Variants in CALCR observed in about 807,000 individuals in gnomAD.
The protein encoded by CALCR is calcitonin receptor.
CALCR carries 47 observed loss-of-function variants against 59.5 expected under a neutral mutation model. The observed-to-expected ratio is 0.79, with a 90% CI of 0.63 to 1.01. CALCR has a LOEUF of 1.01. Among genes scored for constraint, CALCR ranks in the 50% least tolerant of loss-of-function variants. The probability of loss-of-function intolerance (pLI) is 0.00; values close to 1 mark genes in which losing one functional copy is unlikely to be tolerated. For missense variants in CALCR, 566 were observed against 597.1 expected (o/e 0.95, Z 0.54); for synonymous variants, 213 against 211.3 (o/e 1.01, Z -0.07).
chr7:93,501,743 G>T (rs2116003392), intron 2 of CALCR, among the ~76,000 whole-genome samples: 1 of 152,200 alleles, frequency 6.6e-6, no homozygotes, highest in South Asian at 2.1e-4. Context: ...CAGAATTTAT[G>T]CAAAGTCAAT....
intron 2 of CALCR, among the ~76,000 whole-genome samples, chr7:93,496,168 T>G (rs533663105): frequency 1.3e-5 from 2 of 151,476 alleles, no homozygotes; most frequent in African/African-American, 2.4e-5. Context: ...GCATGTTCCA[T>G]AGAAGAGCAG....
chr7:93,511,839 T>A (rs1801553348), intron 2 of CALCR, among the ~76,000 whole-genome samples: 1 of 152,144 alleles, frequency 6.6e-6, no homozygotes, highest in African/African-American at 2.4e-5. Context: ...AAGTCCTATA[T>A]CTGAAATAAA....
chr7:93,479,452 G>A lies in CALCR; in HGVS notation c.107C>T (p.Pro36Leu). Residue 36 changes from proline (P) to leucine (L), a missense_variant, in exon 4 of 14, where the codon CCC (proline) becomes CTC (leucine). Transcript: ENST00000426151. Reference protein sequence around the residue: ...FSNQTYPTIEPKPFLYVVGRK... With the variant: ...FSNQTYPTIELKPFLYVVGRK... The stretch of plus-strand genomic sequence containing the variant: ...TCCTACGACGTAAAGAAATGGCTTG[G>A]GCTCTATTGTTGGATAGGTTTGATT... 1 of 1,612,506 alleles carries A rather than the reference G, an allele frequency of 6.2e-7. No individual in the cohort carries two copies. The highest frequency in any genetic ancestry group is 8.5e-7 in the Non-Finnish European group (1 of 1,179,046).
intron 2 of CALCR, among the ~76,000 whole-genome samples, chr7:93,492,362 A>G (rs1409768615): frequency 6.7e-6 from 1 of 149,280 alleles, no homozygotes; most frequent in Non-Finnish European, 1.5e-5. Context: ...CAAAAATAGT[A>G]AAAAAAAAGT....
At chr7:93,523,902 C>T (rs1385644310) in intron 2 of CALCR, among the ~76,000 whole-genome samples, 2 of 151,998 alleles carry the variant, frequency 1.3e-5, no homozygotes, top group Admixed American at 1.3e-4. Context: ...CAAAATCTAA[C>T]AAATGTGCAT....
At chr7:93,451,920 C>T (rs1800117297) in intron 8 of CALCR, among the ~76,000 whole-genome samples, 1 of 151,872 alleles carries the variant, frequency 6.6e-6, no homozygotes, top group Non-Finnish European at 1.5e-5. Context: ...AATGCAAGAA[C>T]AGGAAAACAT....
intron 4 of CALCR, 36 bp from the exon 5 acceptor site, chr7:93,477,704 G>T (rs1471769901): frequency 3.0e-6 from 4 of 1,335,172 alleles, no homozygotes; most frequent in Non-Finnish European, 3.2e-6. Context: ...TTGAAGCCTT[G>T]TGGATTTAAC....
chr7:93,478,949 A>T (rs1048280913), intron 4 of CALCR, among the ~76,000 whole-genome samples: 1 of 151,814 alleles, frequency 6.6e-6, no homozygotes. Context: ...ACCAATTGAC[A>T]GTTAAAGGGA....
intron 2 of CALCR, chr7:93,559,605 G>C (rs1460988011): frequency 6.8e-6 from 1 of 147,198 alleles, no homozygotes; most frequent in African/African-American, 2.4e-5. Flanking sequence ...AAGATACTCA[G>C]GTACTTAAAA....
At chr7:93,444,700 A>G (rs1799976824) in intron 8 of CALCR, among the ~76,000 whole-genome samples, 1 of 152,064 alleles carries the variant, frequency 6.6e-6, no homozygotes, top group Non-Finnish European at 1.5e-5. Flanking sequence ...GACTGAGGGT[A>G]CTTAGCTGTG....
Position 93,426,323 on chromosome 7 carries a change from C to T in CALCR, c.*33G>A, listed in dbSNP as rs979722487. On this transcript the variant is annotated 3_prime_UTR_variant, in exon 14 of 14. Transcript: ENST00000426151. ...TGGTCTTTCTCCCAGGAAATGATGG[C>T]TCAGTGATCACGATGCTGTGTTTGC... 17 of 1,198,978 alleles carry T rather than the reference C, an allele frequency of 1.4e-5. No homozygotes were observed. The highest frequency in any genetic ancestry group is 1.9e-4 in the Middle Eastern group (1 of 5,236). The allele number at this position is 1,198,978 out of a possible 1,614,324, so 74.3% of individuals were successfully genotyped here.
chr7:93,483,898 A>G (rs1800862233), intron 3 of CALCR: 2 of 448,408 alleles, frequency 4.5e-6, no homozygotes, highest in African/African-American at 2.0e-5. Context: ...ATGATTTTTC[A>G]ACATACAAAC....
Position 93,479,409 on chromosome 7 carries a change from A to G in CALCR, c.150T>C (p.Asp50=). 1 of 1,612,632 alleles carries G rather than the reference A, an allele frequency of 6.2e-7. No individual in the cohort carries two copies. The highest frequency in any genetic ancestry group is 8.5e-7 in the Non-Finnish European group (1 of 1,179,076). Residue 50 remains aspartate (D), a synonymous_variant, in exon 4 of 14, where the codon GAT becomes GAC. Transcript: ENST00000426151. ...LYVVGRKKMM[D]AQYKCYDRMQ... is the part of the protein sequence containing the mutation. The stretch of plus-strand genomic sequence containing the variant: ...TTCGGTCATAGCATTTGTACTGTGC[A>G]TCCATCATCTTCTTTCGTCCTACGA...
chr7:93,524,618 T>C (rs1801838466), intron 2 of CALCR, among the ~76,000 whole-genome samples: 1 of 152,052 alleles, frequency 6.6e-6, no homozygotes, highest in Non-Finnish European at 1.5e-5. Context: ...TAAGTGAATG[T>C]AACTCCAAGT....
rs1234269430 is a variant in CALCR at position 93,425,882 on chromosome 7, T to G, written c.*474A>C. On this transcript the variant is annotated 3_prime_UTR_variant, in exon 14 of 14. Transcript: ENST00000426151. Reference sequence around the variant, plus strand: ...TTTACATTGTAAGGATGGTAAAACATCTCAGTAACATCAGAATTGACTGAA... The same window carrying G: ...TTTACATTGTAAGGATGGTAAAACAGCTCAGTAACATCAGAATTGACTGAA... The G allele has an allele frequency of 7.2e-5, 11 of 153,624 alleles. No individual in the cohort carries two copies. The highest frequency in any genetic ancestry group is 2.4e-4 in the African/African-American group (10 of 41,548). The allele number at this position is 153,624 out of a possible 1,614,324, so 9.5% of individuals were successfully genotyped here. A position where few individuals can be genotyped will look rare whatever the true frequency, so the allele number is the denominator to read the frequency against.
chr7:93,441,473 T>C, intron 9 of CALCR: 1 of 446,210 alleles, frequency 2.2e-6, no homozygotes, highest in South Asian at 1.6e-5. Context: ...TTTGGAAATC[T>C]AGAAATTGTT....
intron 8 of CALCR, among the ~76,000 whole-genome samples, chr7:93,447,183 GC>G (rs1223729974): frequency 2.0e-5 from 3 of 151,930 alleles, no homozygotes; most frequent in Admixed American, 6.6e-5. Context: ...TCCACAAAAT[GC>G]CCCAAAGGGC....
At chr7:93,565,039 G>A (rs759586998) in intron 2 of CALCR, among the ~76,000 whole-genome samples, 1 of 152,156 alleles carries the variant, frequency 6.6e-6, no homozygotes, top group Non-Finnish European at 1.5e-5. Context: ...ATGTAATGCA[G>A]AGCCACTCTT....
chr7:93,500,376 G>A (rs573288548), intron 2 of CALCR, among the ~76,000 whole-genome samples: 3 of 151,986 alleles, frequency 2.0e-5, no homozygotes, highest in Admixed American at 6.6e-5. Flanking sequence ...GCTTAGACTT[G>A]AATAAAATGA....
Sources: gnomAD v4.1 joint callset for allele counts (sites outside exome capture counted in the v4.1 genomes callset) on GRCh38, gnomAD v4.1.1 for gene constraint, MANE v1.5 for transcripts, NCBI Gene and HGNC (gene_info 2026-07-23, HGNC 2026-07-21) for gene names.